GRIN2A: variants seen among roughly 807,000 people sequenced by gnomAD.
GRIN2A encodes glutamate ionotropic receptor NMDA type subunit 2A, also known as glutamate receptor ionotropic, NMDA 2A.
Under a neutral mutation model 113.4 loss-of-function variants are expected in GRIN2A, and 22 were observed. That is an observed-to-expected ratio of 0.19 (90% CI 0.14 to 0.28). The LOEUF is 0.28. Among genes scored for constraint, GRIN2A ranks in the 10% least tolerant of loss-of-function variants. The probability of loss-of-function intolerance (pLI) is 1.00; values close to 1 mark genes in which losing one functional copy is unlikely to be tolerated. For synonymous variants in GRIN2A, 827 were observed against 738.4 expected (o/e 1.12, Z -1.94); for missense variants, 1,502 against 1,887.0 (o/e 0.80, Z 3.78).
At chr16:10,061,415 A>T (rs1331556760) in intron 2 of GRIN2A, among the ~76,000 whole-genome samples, 5 of 152,194 alleles carry the variant, frequency 3.3e-5, no homozygotes, top group African/African-American at 4.8e-5. Context: ...CCTAACCAAT[A>T]TATGCACCTG....
At chr16:9,769,183 C>G in intron 11 of GRIN2A, 94 bp from the exon 12 acceptor site, 1 of 951,138 alleles carries the variant, frequency 1.1e-6, no homozygotes, top group South Asian at 1.3e-5. Flanking sequence ...GTGCAACTCA[C>G]AGCTATGTAA....
At chr16:9,768,035 T>G (rs1171124275) in intron 12 of GRIN2A, among the ~76,000 whole-genome samples, 2 of 152,150 alleles carry the variant, frequency 1.3e-5, no homozygotes, top group Admixed American at 6.5e-5. Flanking sequence ...GCCCAGTGTT[T>G]TTAAATTTTT....
intron 9 of GRIN2A, among the ~76,000 whole-genome samples, chr16:9,827,534 TTCG>T (rs764628890): frequency 2.0e-5 from 3 of 152,228 alleles, no homozygotes; most frequent in Non-Finnish European, 2.9e-5. Flanking sequence ...TTTTTCCTGC[TTCG>T]AAGCAAGGGA....
At chr16:9,992,252 A>G (rs2046130641) in intron 2 of GRIN2A, among the ~76,000 whole-genome samples, 1 of 152,146 alleles carries the variant, frequency 6.6e-6, no homozygotes, top group Admixed American at 6.6e-5. Flanking sequence ...CCTGGTTCTT[A>G]ATAAGAAGCC....
intron 2 of GRIN2A, among the ~76,000 whole-genome samples, chr16:10,071,152 A>C (rs1221397769): frequency 6.6e-6 from 1 of 152,256 alleles, no homozygotes. Context: ...CATGCCTAGC[A>C]CATGGCTGAA....
chr16:10,052,294 C>A (rs2047372354), intron 2 of GRIN2A, among the ~76,000 whole-genome samples: 1 of 152,190 alleles, frequency 6.6e-6, no homozygotes, highest in African/African-American at 2.4e-5. Flanking sequence ...CCTTTAAAGA[C>A]CTGTGGGTTG....
At chr16:10,062,094 G>C (rs2047559578) in intron 2 of GRIN2A, among the ~76,000 whole-genome samples, 1 of 152,178 alleles carries the variant, frequency 6.6e-6, no homozygotes, top group Non-Finnish European at 1.5e-5. Flanking sequence ...TGGCTGAACT[G>C]GGATGAGATG....
intron 3 of GRIN2A, among the ~76,000 whole-genome samples, chr16:9,893,874 T>TA (rs1178386515): frequency 1.3e-5 from 2 of 152,226 alleles, no homozygotes; most frequent in African/African-American, 4.8e-5. Context: ...GGGCTTATAG[T>TA]AAGTCTTATA....
chr16:10,174,132 T>C (rs1248073750), intron 2 of GRIN2A, among the ~76,000 whole-genome samples: 1 of 152,124 alleles, frequency 6.6e-6, no homozygotes, highest in East Asian at 1.9e-4. Flanking sequence ...GAGGTGTCAA[T>C]GTCCATCCAG....
intron 2 of GRIN2A, among the ~76,000 whole-genome samples, chr16:10,055,075 A>G (rs2047427900): frequency 9.5e-4 from 75 of 78,572 alleles, no homozygotes; most frequent in Non-Finnish European, 1.1e-3. Flanking sequence ...AAAAAAAAAA[A>G]AAAAAAAAAA....
rs149323585 is a variant in GRIN2A, at chr16:9,938,375, G to T, written c.591C>A (p.Gly197=). Reference sequence around the variant, plus strand: ...GTGTGATCACATTCTGCATGTCCCAGCCCACAAAGCTGTTGTCCACTGTGG... The same window carrying T: ...GTGTGATCACATTCTGCATGTCCCATCCCACAAAGCTGTTGTCCACTGTGG... ...VKTTVDNSFV[G]WDMQNVITLD... is the part of the protein sequence containing the mutation. Residue 197 remains glycine (G), a synonymous_variant, in exon 3 of 13, where the codon GGC becomes GGA. Coordinates refer to ENST00000330684, the MANE Select transcript of GRIN2A (RefSeq NM_001134407.3). 1.2e-6 allele frequency: 2 copies of T among 1,613,974 alleles called. No homozygotes were observed. Among genetic ancestry groups the T allele is most frequent in the Non-Finnish European group, 1.7e-6 (2 of 1,179,990 alleles).
In GRIN2A at chr16:10,131,828, G is replaced by C. The variant is rs999239480; in HGVS notation, c.414+48170C>G. On this transcript the variant is annotated intron_variant, in intron 2 of 12. Transcript: ENST00000330684. ...CTCTTCACTAATATCCCTCTGCCTA[G>C]AGTGGCAAAACAGGAAGAGTAATTC... 2.0e-5 allele frequency among the ~76,000 whole-genome samples: 3 copies of C among 152,104 alleles called. No homozygotes were observed. The South Asian group carries it at 6.2e-4, about 32-fold the overall frequency.
intron 2 of GRIN2A, among the ~76,000 whole-genome samples, chr16:10,006,532 T>A (rs182430317): frequency 1.9e-4 from 29 of 152,278 alleles, no homozygotes; most frequent in African/African-American, 7.0e-4. Context: ...ATTTATGGAG[T>A]ACATGAGATA....
chr16:9,837,783 C>G (rs560750011), intron 7 of GRIN2A, among the ~76,000 whole-genome samples: 1 of 152,242 alleles, frequency 6.6e-6, no homozygotes. Flanking sequence ...TAGTGAGGCT[C>G]TCTTATTAAA....
chr16:9,972,505 C>G (rs1368778984), intron 2 of GRIN2A, among the ~76,000 whole-genome samples: 1 of 151,952 alleles, frequency 6.6e-6, no homozygotes, highest in Admixed American at 6.6e-5. Context: ...TAACAATACA[C>G]TTAATGAGGT....
chr16:9,819,883 T>C (rs1020014857), intron 10 of GRIN2A, among the ~76,000 whole-genome samples: 5 of 134,968 alleles, frequency 3.7e-5, no homozygotes, highest in Non-Finnish European at 6.0e-5. Context: ...ACTGCACCAT[T>C]GCACTCCAGC....
In GRIN2A at chr16:9,940,063, T is replaced by A. The variant is rs867323593; in HGVS notation, c.415-1512A>T. On this transcript the variant is annotated intron_variant, in intron 2 of 12. Transcript: ENST00000330684. The stretch of plus-strand genomic sequence containing the variant: ...GAGAAAGAGAGAGAGAGAGAGAGAG[T>A]GTGTGTGTGTGTGTGTGTGTGTGAA... 5.1e-3 allele frequency among the ~76,000 whole-genome samples: 692 copies of A among 136,944 alleles called. 4 individuals carry two copies. Among genetic ancestry groups the A allele is most frequent in the African/African-American group, 0.013 (484 of 37,392 alleles). The allele number at this position is 136,944 out of a possible 152,430, so 89.8% of individuals were successfully genotyped here.
chr16:9,787,559 G>C (rs1386343351), intron 11 of GRIN2A, among the ~76,000 whole-genome samples: 1 of 152,274 alleles, frequency 6.6e-6, no homozygotes, highest in East Asian at 1.9e-4. Flanking sequence ...GACCTCCTGG[G>C]GGGCTGTGTC....
At chr16:10,017,237 A>T (rs748758281) in intron 2 of GRIN2A, among the ~76,000 whole-genome samples, 1 of 152,224 alleles carries the variant, frequency 6.6e-6, no homozygotes, top group Non-Finnish European at 1.5e-5. Context: ...ATACAGACAA[A>T]GAAACAGATA....
Sources: gnomAD v4.1 joint callset for allele counts (sites outside exome capture counted in the v4.1 genomes callset) on GRCh38, gnomAD v4.1.1 for gene constraint, MANE v1.5 for transcripts, NCBI Gene and HGNC (gene_info 2026-07-23, HGNC 2026-07-21) for gene names.